PDE1C: variants seen among roughly 807,000 people sequenced by gnomAD.
The protein encoded by PDE1C is dual specificity calcium/calmodulin-dependent 3',5'-cyclic nucleotide phosphodiesterase 1C.
In PDE1C, 62 loss-of-function variants were observed where a neutral mutation model predicts 93.1. That is an observed-to-expected ratio of 0.67 (90% CI 0.54 to 0.82). PDE1C has a LOEUF of 0.82. Among genes scored for constraint, PDE1C ranks in the 40% least tolerant of loss-of-function variants. The probability of loss-of-function intolerance (pLI) is 0.00; values close to 1 mark genes in which losing one functional copy is unlikely to be tolerated. For missense variants in PDE1C, 742 were observed against 884.6 expected (o/e 0.84, Z 2.04); for synonymous variants, 325 against 310.1 (o/e 1.05, Z -0.50).
At chr7:32,387,709 GCGGCTGGCCGGGC>G in intron 1 of PDE1C, among the ~76,000 whole-genome samples, 2 of 143,640 alleles carry the variant, frequency 1.4e-5, no homozygotes, top group African/African-American at 2.7e-5. Flanking sequence ...CCCGGACGGG[GCGGCTGGCCGGGC>G]AGAGGGGCTC....
intron 1 of PDE1C, among the ~76,000 whole-genome samples, chr7:32,271,267 G>A (rs1810943255): frequency 6.6e-6 from 1 of 152,230 alleles, no homozygotes; most frequent in South Asian, 2.1e-4. Context: ...ACTTGACAGG[G>A]ATGGAGCCAG....
At chr7:32,161,499 T>C (rs752113689) in intron 3 of PDE1C, among the ~76,000 whole-genome samples, 2 of 152,198 alleles carry the variant, frequency 1.3e-5, no homozygotes, top group Non-Finnish European at 2.9e-5. Flanking sequence ...CTCATGCAAC[T>C]GGAGACGAGA....
chr7:32,063,977 T>C (rs1311593542), intron 1 of PDE1C, among the ~76,000 whole-genome samples: 3 of 152,196 alleles, frequency 2.0e-5, no homozygotes, highest in Non-Finnish European at 4.4e-5. Flanking sequence ...TAGTACATAA[T>C]GGAAACCCAA....
At chr7:31,861,400 A>G (rs1794679216) in intron 7 of PDE1C, among the ~76,000 whole-genome samples, 2 of 152,016 alleles carry the variant, frequency 1.3e-5, no homozygotes, top group African/African-American at 4.8e-5. Flanking sequence ...TACTATTGAT[A>G]TGTCCAAGAC....
chr7:31,907,246 T>C (rs1166723109), intron 2 of PDE1C, among the ~76,000 whole-genome samples: 3 of 152,142 alleles, frequency 2.0e-5, no homozygotes, highest in Non-Finnish European at 2.9e-5. Flanking sequence ...TCTCATTCTC[T>C]GCATTCCTGT....
the PDE1C span, among the ~76,000 whole-genome samples, chr7:31,628,956 AC>A: frequency 6.6e-6 from 1 of 152,214 alleles, no homozygotes; most frequent in Non-Finnish European, 1.5e-5. Flanking sequence ...AAACAAAAAA[AC>A]ATTTGGACTG....
intron 2 of PDE1C, among the ~76,000 whole-genome samples, chr7:32,208,157 T>C (rs77916373): frequency 0.03 from 4,506 of 152,300 alleles, 216 homozygotes; most frequent in African/African-American, 0.1. Flanking sequence ...TATCGTACAT[T>C]ATTACAGTTC....
Position 32,374,256 on chromosome 7 carries a change from G to GAAGGAAGAAAGAAAGA in PDE1C, c.310+53565_310+53566insTCTTTCTTTCTTCCTT, listed in dbSNP as rs1554314008. Among the ~76,000 whole-genome samples, 12 of 113,340 alleles carry GAAGGAAGAAAGAAAGA rather than the reference G, an allele frequency of 1.1e-4. No homozygotes were observed. The East Asian group carries it at 1.6e-3, about 15-fold the overall frequency. The allele number at this position is 113,340 out of a possible 152,430, so 74.4% of individuals were successfully genotyped here. ...AAAGAAAGAAGGAAGGAAAGGAAAG[G>GAAGGAAGAAAGAAAGA]AAGAAAGAAAGAAAGAAAGAAAGAA... On this transcript the variant is annotated intron_variant, in intron 1 of 1. Coordinates refer to the PDE1C transcript ENST00000672256.
intron 2 of PDE1C, among the ~76,000 whole-genome samples, chr7:32,191,260 T>C (rs1804210509): frequency 6.6e-6 from 1 of 152,184 alleles, no homozygotes; most frequent in Non-Finnish European, 1.5e-5. Flanking sequence ...AGTGGTGACA[T>C]TTTGTAACAC....
chr7:32,388,568 T>C (rs1486462988), intron 1 of PDE1C, among the ~76,000 whole-genome samples: 1 of 149,642 alleles, frequency 6.7e-6, no homozygotes, highest in Non-Finnish European at 1.5e-5. Flanking sequence ...TAGTCCCAGA[T>C]GCTAGAAAGG....
At chr7:32,250,457 A>G (rs1003806893) in intron 1 of PDE1C, among the ~76,000 whole-genome samples, 51 of 152,302 alleles carry the variant, frequency 3.3e-4, no homozygotes, top group African/African-American at 1.0e-3. Context: ...GACCAATTGA[A>G]TCAGACCCCT....
the PDE1C span, among the ~76,000 whole-genome samples, chr7:31,729,920 G>A: frequency 6.6e-6 from 1 of 152,142 alleles, no homozygotes; most frequent in African/African-American, 2.4e-5. Context: ...AGGACACGTG[G>A]TATAACAGGG....
the PDE1C span, chr7:31,652,473 A>G: frequency 6.5e-7 from 1 of 1,531,248 alleles, no homozygotes; most frequent in Non-Finnish European, 8.8e-7. Flanking sequence ...GTTTGGTGCC[A>G]ATGTGATGTG....
chr7:32,004,903 G>C (rs1416211224), intron 2 of PDE1C, among the ~76,000 whole-genome samples: 1 of 152,198 alleles, frequency 6.6e-6, no homozygotes, highest in African/African-American at 2.4e-5. Context: ...CACTTGTGAA[G>C]AAATCTAGAT....
intron 3 of PDE1C, among the ~76,000 whole-genome samples, chr7:32,082,837 C>T (rs925843874): frequency 6.6e-6 from 1 of 151,824 alleles, no homozygotes; most frequent in Non-Finnish European, 1.5e-5. Flanking sequence ...GACATCCACA[C>T]CAAAAACCCA....
At chr7:32,377,966 C>G (rs2128089444) in intron 1 of PDE1C, among the ~76,000 whole-genome samples, 1 of 152,304 alleles carries the variant, frequency 6.6e-6, no homozygotes, top group South Asian at 2.1e-4. Context: ...AAGAAAATCC[C>G]TTCCGTTAAT....
chr7:31,803,464 T>C (rs1424052855), intron 16 of PDE1C, among the ~76,000 whole-genome samples: 1 of 151,860 alleles, frequency 6.6e-6, no homozygotes, highest in Non-Finnish European at 1.5e-5. Flanking sequence ...GCAGGTTTGT[T>C]ACATATGTAT....
intron 2 of PDE1C, among the ~76,000 whole-genome samples, chr7:32,185,571 G>A (rs1380001476): frequency 6.6e-6 from 1 of 151,998 alleles, no homozygotes; most frequent in Non-Finnish European, 1.5e-5. Context: ...ATTTCTTTTG[G>A]AATATTTTCC....
intron 3 of PDE1C, among the ~76,000 whole-genome samples, chr7:32,153,500 G>C (rs1446463827): frequency 6.6e-6 from 1 of 152,198 alleles, no homozygotes; most frequent in African/African-American, 2.4e-5. Context: ...TCAAGGGGGA[G>C]CCTGGAACAA....
Sources: allele counts gnomAD v4.1 joint callset (sites outside exome capture counted in the v4.1 genomes callset), GRCh38; gene constraint gnomAD v4.1.1; transcripts MANE v1.5; gene names NCBI Gene and HGNC (gene_info 2026-07-23, HGNC 2026-07-21).